The following COL19A1 variants were observed in gnomAD, a reference collection of about 807,000 sequenced individuals.
COL19A1 encodes collagen alpha-1(XIX) chain.
A neutral mutation model predicts 190.2 loss-of-function variants in COL19A1; 159 were observed. The ratio of observed to expected loss-of-function variants is 0.84; its 90% CI spans 0.73 to 0.95. The LOEUF (loss-of-function observed/expected upper bound fraction) is 0.95, where lower values mean the gene tolerates loss of function less well. COL19A1 is among the 40% of genes least tolerant of loss of function. The probability of loss-of-function intolerance (pLI) is 0.00; values close to 1 mark genes in which losing one functional copy is unlikely to be tolerated. For synonymous variants in COL19A1, 509 were observed against 458.9 expected (o/e 1.11, Z -1.39); for missense variants, 1,418 against 1,431.9 (o/e 0.99, Z 0.16).
chr6:70,136,062 G>C (rs1045025217), intron 18 of COL19A1, among the ~76,000 whole-genome samples: 4 of 152,146 alleles, frequency 2.6e-5, no homozygotes, highest in Non-Finnish European at 5.9e-5. Flanking sequence ...GTTTGGGCTG[G>C]TTCCACAGTT....
intron 17 of COL19A1, among the ~76,000 whole-genome samples, chr6:70,125,422 C>T (rs935352303): frequency 7.2e-5 from 11 of 152,070 alleles, no homozygotes; most frequent in African/African-American, 2.4e-4. Context: ...CTCAGAGAGC[C>T]CATGGTTCAT....
intron 11 of COL19A1, among the ~76,000 whole-genome samples, chr6:69,988,661 CTGATAATACCGTTGGAGAT>C (rs1776438441): frequency 2.6e-5 from 4 of 152,158 alleles, no homozygotes; most frequent in Admixed American, 2.6e-4. Context: ...TGTTAAGAGA[CTGATAATACCGTTGGAGAT>C]TCAAAACAAA....
chr6:69,890,203 C>T (rs1207116994), intron 2 of COL19A1: 1 of 152,386 alleles, frequency 6.6e-6, no homozygotes, highest in Non-Finnish European at 1.5e-5. Flanking sequence ...ATATGTCAGT[C>T]ACTCCCAAAT....
intron 17 of COL19A1, among the ~76,000 whole-genome samples, chr6:70,122,157 GTTT>G (rs911042056): frequency 1.3e-5 from 2 of 152,028 alleles, no homozygotes; most frequent in African/African-American, 4.8e-5. Flanking sequence ...ATCCTAATAA[GTTT>G]TTTAAAAATT....
intron 31 of COL19A1, among the ~76,000 whole-genome samples, chr6:70,152,601 A>G (rs1175680880): frequency 6.6e-6 from 1 of 152,104 alleles, no homozygotes; most frequent in Non-Finnish European, 1.5e-5. Context: ...TACTTATATC[A>G]TCTTATTTAA....
In COL19A1 at chr6:69,899,001, A is replaced by G; in HGVS notation, c.145A>G (p.Ile49Val). The G allele has an allele frequency of 6.2e-7, 1 of 1,611,928 alleles. No individual in the cohort carries two copies. Reference protein sequence around the residue: ...IEGHQLTYDNINKLEVSGFDL... With the variant: ...IEGHQLTYDNVNKLEVSGFDL... Reference sequence around the variant, plus strand: ...GGGACATCAGCTGACATATGACAACATAAACAAACTTGAAGTTTCAGGTAG... The same window carrying G: ...GGGACATCAGCTGACATATGACAACGTAAACAAACTTGAAGTTTCAGGTAG... The change falls in exon 3 of 51, where the codon ATA (isoleucine) becomes GTA (valine). Residue 49 changes from isoleucine to valine, a missense_variant. Transcript: ENST00000620364.
At chr6:69,886,662 T>A (rs952888915) in intron 2 of COL19A1, among the ~76,000 whole-genome samples, 1 of 152,144 alleles carries the variant, frequency 6.6e-6, no homozygotes, top group African/African-American at 2.4e-5. Flanking sequence ...ACTTTTGCTA[T>A]AGTCCAGAGA....
At chr6:70,106,247 ATT>A (rs1486851162) in intron 16 of COL19A1, among the ~76,000 whole-genome samples, 6 of 152,048 alleles carry the variant, frequency 3.9e-5, no homozygotes, top group African/African-American at 1.4e-4. Flanking sequence ...AAATTAGTAT[ATT>A]CTCAGTTTCT....
chr6:69,917,235 A>T (rs1230403902), intron 4 of COL19A1, among the ~76,000 whole-genome samples: 1 of 152,196 alleles, frequency 6.6e-6, no homozygotes, highest in African/African-American at 2.4e-5. Context: ...TTTCTATCAA[A>T]GTTTTTGATT....
chr6:70,156,218 C>A lies in COL19A1; in HGVS notation c.2171C>A (p.Ser724Tyr). 6.2e-7 allele frequency: 1 copy of A among 1,613,254 alleles called. No individual in the cohort carries two copies. Among genetic ancestry groups the A allele is most frequent in the South Asian group, 1.1e-5 (1 of 91,068 alleles). The change falls in exon 32 of 51, where the codon TCC becomes TAC. Residue 724 changes from serine (S) to tyrosine (Y), a missense_variant. Ser to Tyr is a moderately radical substitution (Grantham distance 144). Coordinates refer to ENST00000620364, the MANE Select transcript of COL19A1 (RefSeq NM_001858.6). ...GCTGGTGAGCCTGGAAAGTATGATT[C>A]CATGGCCCGGAAGGTGAGAAGCCTG... ...GGAGEPGKYD[S>Y]MARKGDIGPR...
chr6:70,159,917 A>C (rs1787686848), intron 34 of COL19A1, among the ~76,000 whole-genome samples: 1 of 152,208 alleles, frequency 6.6e-6, no homozygotes, highest in Non-Finnish European at 1.5e-5. Context: ...GATGTATCAC[A>C]TGGTTATCTG....
intron 2 of COL19A1, among the ~76,000 whole-genome samples, chr6:69,896,654 T>C (rs1476925735): frequency 6.7e-6 from 1 of 149,760 alleles, no homozygotes; most frequent in Non-Finnish European, 1.5e-5. Flanking sequence ...CATATCCTCA[T>C]CAACACTTGG....
intron 11 of COL19A1, among the ~76,000 whole-genome samples, chr6:70,022,500 C>A (rs1371005058): frequency 1.3e-5 from 2 of 152,054 alleles, no homozygotes. Context: ...GGTAGGTAGA[C>A]AGCTGGATAT....
At chr6:69,875,783 A>G (rs1768094720) in intron 1 of COL19A1, among the ~76,000 whole-genome samples, 1 of 152,194 alleles carries the variant, frequency 6.6e-6, no homozygotes, top group Non-Finnish European at 1.5e-5. Context: ...GTGACATCTA[A>G]GAGAGAATTT....
At chr6:69,929,911 A>G (rs966692545) in intron 6 of COL19A1, among the ~76,000 whole-genome samples, 2 of 152,078 alleles carry the variant, frequency 1.3e-5, no homozygotes, top group Non-Finnish European at 2.9e-5. Context: ...TTTTATACCC[A>G]TTTTCTCCAG....
At chr6:69,989,217 C>T (rs1040097571) in intron 11 of COL19A1, among the ~76,000 whole-genome samples, 5 of 152,080 alleles carry the variant, frequency 3.3e-5, no homozygotes, top group African/African-American at 9.7e-5. Flanking sequence ...AGTACAATGC[C>T]GGGGTTCTAC....
At chr6:70,183,797 A>C (rs76258532) in intron 44 of COL19A1, among the ~76,000 whole-genome samples, 505 of 152,328 alleles carry the variant, frequency 3.3e-3, no homozygotes, top group African/African-American at 0.011. Context: ...TTCCAGCACA[A>C]TAAAAGTCCC....
intron 4 of COL19A1, among the ~76,000 whole-genome samples, chr6:69,921,653 C>T (rs968272915): frequency 2.3e-5 from 3 of 132,464 alleles, no homozygotes; most frequent in African/African-American, 5.8e-5. Context: ...TATATAGATT[C>T]GTATATATTC....
intron 16 of COL19A1, among the ~76,000 whole-genome samples, chr6:70,107,287 A>G (rs1784034820): frequency 6.6e-6 from 1 of 152,188 alleles, no homozygotes; most frequent in Non-Finnish European, 1.5e-5. Flanking sequence ...CAATGGCACT[A>G]TCCTGACTCC....
Sources: allele counts gnomAD v4.1 joint callset (sites outside exome capture counted in the v4.1 genomes callset), GRCh38; gene constraint gnomAD v4.1.1; transcripts MANE v1.5; gene names NCBI Gene and HGNC (gene_info 2026-07-23, HGNC 2026-07-21).